The following SMYD3 variants were observed in gnomAD, a reference collection of about 807,000 sequenced individuals.
SMYD3 encodes the protein histone-lysine N-methyltransferase SMYD3.
Under a neutral mutation model 57.7 loss-of-function variants are expected in SMYD3, and 36 were observed. That is an observed-to-expected ratio of 0.62 (90% CI 0.48 to 0.82). SMYD3 has a LOEUF of 0.82. Among genes scored for constraint, SMYD3 ranks in the 40% least tolerant of loss-of-function variants. SMYD3 has a pLI of 0.00. For missense variants in SMYD3, 515 were observed against 538.8 expected (o/e 0.96, Z 0.44); for synonymous variants, 211 against 195.0 (o/e 1.08, Z -0.68).
chr1:246,405,866 C>T (rs1198375322), intron 1 of SMYD3, among the ~76,000 whole-genome samples: 2 of 146,290 alleles, frequency 1.4e-5, no homozygotes, highest in African/African-American at 2.5e-5. Context: ...GCCCAGATGG[C>T]GCCACTGCAC....
chr1:246,093,549 A>G (rs755962299), intron 5 of SMYD3, among the ~76,000 whole-genome samples: 3 of 152,226 alleles, frequency 2.0e-5, no homozygotes, highest in Non-Finnish European at 4.4e-5. Flanking sequence ...TCTCACTCAC[A>G]TGTGGGAGCT....
chr1:246,426,096 C>A (rs1268903690), intron 1 of SMYD3: 1 of 152,082 alleles, frequency 6.6e-6, no homozygotes, highest in Non-Finnish European at 1.5e-5. Context: ...ATTGAGATAA[C>A]TCAGTTGGAC....
intron 5 of SMYD3, among the ~76,000 whole-genome samples, chr1:246,030,308 T>A (rs61077225): frequency 0.033 from 5,072 of 152,268 alleles, 286 homozygotes; most frequent in African/African-American, 0.12. Context: ...AAGTGAAATA[T>A]GTCAAGCACA....
intron 1 of SMYD3, among the ~76,000 whole-genome samples, chr1:246,435,366 T>C (rs751589636): frequency 3.3e-5 from 5 of 152,178 alleles, no homozygotes; most frequent in Admixed American, 6.5e-5. Flanking sequence ...TCTGAAATTA[T>C]TGCAAAATGT....
intron 5 of SMYD3, among the ~76,000 whole-genome samples, chr1:246,191,993 T>C (rs56727599): frequency 0.16 from 24,787 of 152,172 alleles, 2,396 homozygotes; most frequent in African/African-American, 0.27. Flanking sequence ...CTGAAAACAC[T>C]GGAGTGTTGT....
At chr1:246,033,510 G>T (rs1459312265) in intron 5 of SMYD3, among the ~76,000 whole-genome samples, 1 of 152,174 alleles carries the variant, frequency 6.6e-6, no homozygotes. Context: ...TGTTCTGGCC[G>T]GGTGCTGGCT....
At chr1:245,850,771 T>C (rs1422709637) in intron 10 of SMYD3, among the ~76,000 whole-genome samples, 1 of 152,176 alleles carries the variant, frequency 6.6e-6, no homozygotes, top group Non-Finnish European at 1.5e-5. Context: ...TGTCAAATGA[T>C]GATATTCCCC....
intron 5 of SMYD3, among the ~76,000 whole-genome samples, chr1:246,324,768 G>C (rs528191359): frequency 6.6e-6 from 1 of 151,594 alleles, no homozygotes; most frequent in South Asian, 2.1e-4. Flanking sequence ...TCTTCTCTTT[G>C]ATTAATTAAT....
chr1:246,352,693 A>T (rs2065850357), intron 2 of SMYD3, among the ~76,000 whole-genome samples: 1 of 152,178 alleles, frequency 6.6e-6, no homozygotes, highest in Admixed American at 6.5e-5. Flanking sequence ...TGTAGTAAAA[A>T]CACATGCACT....
At chr1:246,013,948 C>A (rs1449707227) in intron 5 of SMYD3, among the ~76,000 whole-genome samples, 1 of 152,118 alleles carries the variant, frequency 6.6e-6, no homozygotes, top group Non-Finnish European at 1.5e-5. Flanking sequence ...AAAGAGAATA[C>A]AGAGGAAAAA....
At chr1:246,323,235 A>T (rs1183481242) in intron 5 of SMYD3, among the ~76,000 whole-genome samples, 1 of 152,178 alleles carries the variant, frequency 6.6e-6, no homozygotes, top group Non-Finnish European at 1.5e-5. Context: ...AAAACTCCAC[A>T]ATCAAACTCC....
Position 246,462,456 on chromosome 1 carries a change from C to T in SMYD3, c.164+44598G>A, listed in dbSNP as rs114968975. On this transcript the variant is annotated intron_variant, in intron 1 of 11. Coordinates refer to ENST00000490107, the MANE Select transcript of SMYD3 (RefSeq NM_001167740.2). ...GGCCTGGCCTCAAGTCATAGGCCCCCGACTGTGCCACTGTGTCCACTGGTA... is the reference window on the plus strand; with the variant it reads ...GGCCTGGCCTCAAGTCATAGGCCCCTGACTGTGCCACTGTGTCCACTGGTA... 8.1e-3 allele frequency among the ~76,000 whole-genome samples: 1,228 copies of T among 152,194 alleles called. 22 individuals are homozygous for T. Among genetic ancestry groups the T allele is most frequent in the African/African-American group, 0.028 (1,145 of 41,520 alleles).
chr1:246,169,575 T>C (rs1415116344), intron 5 of SMYD3, among the ~76,000 whole-genome samples: 2 of 151,704 alleles, frequency 1.3e-5, no homozygotes, highest in Non-Finnish European at 2.9e-5. Context: ...AGAATAACAA[T>C]GGATAGCACT....
intron 5 of SMYD3, among the ~76,000 whole-genome samples, chr1:246,223,413 C>A (rs1210469463): frequency 1.3e-5 from 2 of 152,112 alleles, no homozygotes; most frequent in East Asian, 3.9e-4. Flanking sequence ...AACTACTGAA[C>A]TGGAAAAGAT....
At chr1:245,987,364 G>C (rs1469341773) in intron 5 of SMYD3, among the ~76,000 whole-genome samples, 1 of 152,156 alleles carries the variant, frequency 6.6e-6, no homozygotes, top group Non-Finnish European at 1.5e-5. Flanking sequence ...CAGGTGTCTA[G>C]AATTTTATGC....
intron 1 of SMYD3, among the ~76,000 whole-genome samples, chr1:246,406,544 G>C (rs921446479): frequency 6.6e-6 from 1 of 152,038 alleles, no homozygotes; most frequent in African/African-American, 2.4e-5. Flanking sequence ...TTGCCTTTTC[G>C]CTCTTCTTGT....
chr1:246,338,191 C>A (rs912050664), intron 2 of SMYD3, among the ~76,000 whole-genome samples: 4 of 152,174 alleles, frequency 2.6e-5, no homozygotes, highest in African/African-American at 9.7e-5. Context: ...CATTCCTTTT[C>A]TTTTTAAAAC....
At chr1:245,878,324 T>G in intron 8 of SMYD3, among the ~76,000 whole-genome samples, 1 of 151,570 alleles carries the variant, frequency 6.6e-6, no homozygotes. Context: ...AGGGAAGGAG[T>G]CAGTGGACAC....
chr1:245,806,375 G>A (rs1025853776), intron 10 of SMYD3, among the ~76,000 whole-genome samples: 6 of 152,082 alleles, frequency 3.9e-5, no homozygotes, highest in African/African-American at 1.4e-4. Flanking sequence ...TTATCACAAC[G>A]CTGTGAGGTA....
Sources: gnomAD v4.1 joint callset for allele counts (sites outside exome capture counted in the v4.1 genomes callset) on GRCh38, gnomAD v4.1.1 for gene constraint, MANE v1.5 for transcripts, NCBI Gene and HGNC (gene_info 2026-07-23, HGNC 2026-07-21) for gene names.